Variants in EYS observed in about 807,000 individuals in gnomAD.
EYS encodes EGF-like photoreceptor maintenance factor, also known as protein eyes shut homolog.
In EYS, 250 loss-of-function variants were observed where a neutral mutation model predicts 282.1. The ratio of observed to expected loss-of-function variants is 0.89; its 90% CI spans 0.80 to 0.98. The LOEUF is 0.98. Among genes scored for constraint, EYS ranks in the 50% least tolerant of loss-of-function variants. The pLI is 0.00. For missense variants in EYS, 4,016 were observed against 3,709.0 expected, an observed-to-expected ratio of 1.08 and a Z score of -2.15; for synonymous variants, 1,355 against 1,282.9, an observed-to-expected ratio of 1.06 and a Z score of -1.20.
chr6:64,557,436 G>T (rs1028990551), intron 26 of EYS, among the ~76,000 whole-genome samples: 5 of 151,788 alleles, frequency 3.3e-5, no homozygotes, highest in African/African-American at 9.7e-5. Context: ...TGTTATTTTT[G>T]ATATTCTAAG....
chr6:64,342,825 G>A (rs1052699428), intron 29 of EYS, among the ~76,000 whole-genome samples: 6 of 152,068 alleles, frequency 3.9e-5, no homozygotes, highest in Non-Finnish European at 7.4e-5. Context: ...CACGTGCAGA[G>A]ACACACATAG....
chr6:64,529,532 T>C (rs1003531973), intron 26 of EYS, among the ~76,000 whole-genome samples: 1 of 152,034 alleles, frequency 6.6e-6, no homozygotes, highest in Admixed American at 6.6e-5. Context: ...TTTCATTAAG[T>C]AAATGACTGA....
At chr6:64,728,442 C>T (rs1320594548) in intron 22 of EYS, among the ~76,000 whole-genome samples, 1 of 152,144 alleles carries the variant, frequency 6.6e-6, no homozygotes, top group Non-Finnish European at 1.5e-5. Context: ...TCACCCCATT[C>T]TCCTGCCTTA....
intron 35 of EYS, among the ~76,000 whole-genome samples, chr6:63,925,224 C>T (rs1359531261): frequency 6.6e-6 from 1 of 152,136 alleles, no homozygotes; most frequent in East Asian, 1.9e-4. Context: ...TGTCAAATAT[C>T]CATGAAAAAT....
chr6:65,527,583 T>G (rs1469848123), intron 2 of EYS, among the ~76,000 whole-genome samples: 2 of 152,178 alleles, frequency 1.3e-5, no homozygotes, highest in Non-Finnish European at 2.9e-5. Flanking sequence ...GCACAAAAGG[T>G]TATGCACAGG....
chr6:64,008,218 C>T (rs1768441594), intron 33 of EYS, among the ~76,000 whole-genome samples: 1 of 152,036 alleles, frequency 6.6e-6, no homozygotes, highest in African/African-American at 2.4e-5. Flanking sequence ...AACCCTTTAC[C>T]ATTATGTAAT....
At chr6:64,528,858 C>T (rs187541778) in intron 26 of EYS, among the ~76,000 whole-genome samples, 17 of 152,038 alleles carry the variant, frequency 1.1e-4, no homozygotes, top group African/African-American at 2.7e-4. Context: ...AATCTTACAA[C>T]GCTGCTTTAT....
chr6:64,845,404 G>A (rs1249235629), intron 19 of EYS, among the ~76,000 whole-genome samples: 1 of 151,958 alleles, frequency 6.6e-6, no homozygotes, highest in African/African-American at 2.4e-5. Flanking sequence ...ACACATCTTG[G>A]TCTTAGAATC....
At chr6:65,404,126 A>C (rs1766624561) in intron 6 of EYS, among the ~76,000 whole-genome samples, 2 of 152,130 alleles carry the variant, frequency 1.3e-5, no homozygotes, top group South Asian at 4.1e-4. Context: ...TTTCTAGCTT[A>C]TTCTAGAGGA....
chr6:64,750,504 A>G (rs1390268), intron 22 of EYS, among the ~76,000 whole-genome samples: 148,554 of 151,296 alleles, frequency 0.98, 72,964 homozygotes, highest in Non-Finnish European at 1. Flanking sequence ...TATGTCATCC[A>G]AAGAAAACTA....
intron 22 of EYS, among the ~76,000 whole-genome samples, chr6:64,660,049 G>A (rs954091605): frequency 2.6e-5 from 4 of 152,268 alleles, no homozygotes; most frequent in African/African-American, 9.6e-5. Flanking sequence ...TGATCAAGCA[G>A]GCTTCATCCC....
rs933906484 is a variant in EYS at position 65,209,270 on chromosome 6, T to G, written c.2023+86593A>C. On this transcript the variant is annotated intron_variant, in intron 12 of 42. Coordinates refer to ENST00000503581, the MANE Select transcript of EYS (RefSeq NM_001142800.2). ...TGGGGAAGTTTTTTTTTTTAATTTT[T>G]ACTTCCTATGTATATTTATTACTGG... Among the ~76,000 whole-genome samples, 42 of 151,700 alleles carry G rather than the reference T, an allele frequency of 2.8e-4. 1 individual carries two copies. Among genetic ancestry groups the G allele is most frequent in the Admixed American group, 2.5e-3 (38 of 15,190 alleles).
rs62415826 is a variant in EYS at position 64,591,318 on chromosome 6, T to C, written c.4549A>G (p.Ser1517Gly). 0.13 allele frequency: 200,377 copies of C among 1,550,952 alleles called. 13,821 individuals carry two copies. The highest frequency in any genetic ancestry group is 0.15 in the East Asian group (6,016 of 40,884). Residue 1517 changes from serine to glycine, a missense_variant, in exon 26 of 43, where the codon AGT becomes GGT. Ser to Gly is a moderately conservative substitution (Grantham distance 56). Transcript: ENST00000503581. ...ILNSSALHRF[S>G]TKAFNPSEYQ... The stretch of plus-strand genomic sequence containing the variant: ...TCACTGGGATTGAAGGCTTTTGTAC[T>C]GAACCGGTGCAGAGCTGATGAGTTT...
intron 31 of EYS, among the ~76,000 whole-genome samples, chr6:64,210,014 G>C (rs1040088154): frequency 6.6e-5 from 10 of 151,940 alleles, no homozygotes; most frequent in Non-Finnish European, 1.3e-4. Flanking sequence ...CTCTTTATTT[G>C]TCCTTTTCCG....
chr6:65,558,572 A>G (rs1768909001), intron 2 of EYS, among the ~76,000 whole-genome samples: 1 of 152,212 alleles, frequency 6.6e-6, no homozygotes, highest in Non-Finnish European at 1.5e-5. Flanking sequence ...GCACATCCCC[A>G]GTCAAGCCTC....
chr6:64,715,643 T>A (rs1583072831), intron 22 of EYS, among the ~76,000 whole-genome samples: 1 of 152,050 alleles, frequency 6.6e-6, no homozygotes, highest in Non-Finnish European at 1.5e-5. Flanking sequence ...CTGAGATAGG[T>A]GATGATGTAC....
At chr6:64,610,403 A>G (rs1031184019) in intron 24 of EYS, among the ~76,000 whole-genome samples, 6 of 128,334 alleles carry the variant, frequency 4.7e-5, no homozygotes, top group African/African-American at 1.8e-4. Flanking sequence ...CTGTTGTAAG[A>G]ATTTTTTTTT....
chr6:63,767,102 T>C (rs1769808175), intron 40 of EYS, among the ~76,000 whole-genome samples: 1 of 152,108 alleles, frequency 6.6e-6, no homozygotes, highest in Admixed American at 6.6e-5. Flanking sequence ...GAGCAGTCTA[T>C]GACAAATCCA....
chr6:65,663,856 TTTTTC>T (rs1361086778), intron 1 of EYS, among the ~76,000 whole-genome samples: 11,834 of 135,784 alleles, frequency 0.087, 724 homozygotes, highest in South Asian at 0.16. Flanking sequence ...AATTTTTTGT[TTTTTC>T]TTTTCTTTTT....
Sources: allele counts gnomAD v4.1 joint callset (sites outside exome capture counted in the v4.1 genomes callset), GRCh38; gene constraint gnomAD v4.1.1; transcripts MANE v1.5; gene names NCBI Gene and HGNC (gene_info 2026-07-23, HGNC 2026-07-21).